TRAK1: variants seen among roughly 807,000 people sequenced by gnomAD.
The protein encoded by TRAK1 is trafficking kinesin-binding protein 1.
TRAK1 carries 33 observed loss-of-function variants against 92.1 expected under a neutral mutation model. The ratio of observed to expected loss-of-function variants is 0.36; its 90% confidence interval spans 0.27 to 0.48. The LOEUF is 0.48. Ranked by LOEUF, TRAK1 falls within the 20% of genes least tolerant of loss-of-function variation. TRAK1 has a pLI of 0.99. For missense variants in TRAK1, 1,123 were observed against 1,257.9 expected (o/e 0.89, Z 1.62); for synonymous variants, 521 against 517.3 (o/e 1.01, Z -0.10).
chr3:42,218,504 A>T, intron 14 of TRAK1: 1 of 984,362 alleles, frequency 1.0e-6, no homozygotes. Flanking sequence ...TATTTCGGGC[A>T]GCATCTTTTT....
intron 2 of TRAK1, among the ~76,000 whole-genome samples, chr3:42,131,992 C>T (rs1181157795): frequency 6.6e-6 from 1 of 151,278 alleles, no homozygotes; most frequent in African/African-American, 2.4e-5. Flanking sequence ...TTGCTTGAGC[C>T]TAGGAGGTGG....
At chr3:42,041,512 C>T (rs955276687) in intron 1 of TRAK1, among the ~76,000 whole-genome samples, 2 of 151,640 alleles carry the variant, frequency 1.3e-5, no homozygotes, top group Non-Finnish European at 2.9e-5. Flanking sequence ...AGTTTTTTAG[C>T]GGGTTCCTTA....
At chr3:42,204,840 C>T (rs935248144) in intron 13 of TRAK1, among the ~76,000 whole-genome samples, 2 of 152,186 alleles carry the variant, frequency 1.3e-5, no homozygotes, top group Non-Finnish European at 2.9e-5. Context: ...CCTCAGCCTC[C>T]CAAAGTGTTA....
At chr3:42,020,659 TTGG>T (rs1701690296) in intron 1 of TRAK1, among the ~76,000 whole-genome samples, 3 of 152,214 alleles carry the variant, frequency 2.0e-5, no homozygotes, top group Non-Finnish European at 4.4e-5. Context: ...GAGTGGATCA[TTGG>T]GTCATAAGAC....
At chr3:42,078,019 A>T (rs1368236509) in intron 1 of TRAK1, among the ~76,000 whole-genome samples, 1 of 152,234 alleles carries the variant, frequency 6.6e-6, no homozygotes, top group East Asian at 1.9e-4. Flanking sequence ...CACGTTTTGT[A>T]GACGAAAGAA....
At chr3:42,108,741 A>G (rs185404432) in intron 1 of TRAK1, among the ~76,000 whole-genome samples, 8 of 152,222 alleles carry the variant, frequency 5.3e-5, no homozygotes, top group Non-Finnish European at 8.8e-5. Flanking sequence ...CTACAATGCA[A>G]AAGACAGCAA....
chr3:42,123,503 A>T (rs904999472), intron 1 of TRAK1, among the ~76,000 whole-genome samples: 1 of 152,228 alleles, frequency 6.6e-6, no homozygotes, highest in African/African-American at 2.4e-5. Flanking sequence ...GCACCCCAGG[A>T]TCTACTCCCA....
intron 2 of TRAK1, among the ~76,000 whole-genome samples, chr3:42,141,468 C>T (rs569011001): frequency 1.2e-3 from 183 of 152,224 alleles, no homozygotes; most frequent in African/African-American, 4.2e-3. Context: ...AAAGAAAATA[C>T]GATCTCAGCA....
chr3:42,192,436 C>T (rs1209045136), intron 7 of TRAK1, among the ~76,000 whole-genome samples: 1 of 152,138 alleles, frequency 6.6e-6, no homozygotes, highest in Admixed American at 6.5e-5. Flanking sequence ...TTTTGCATTT[C>T]GTCAAAGTAC....
chr3:42,018,813 G>C (rs1490246277), intron 1 of TRAK1, among the ~76,000 whole-genome samples: 1 of 152,184 alleles, frequency 6.6e-6, no homozygotes, highest in African/African-American at 2.4e-5. Context: ...GATGCAGGTT[G>C]ATTTATGTCA....
At chr3:42,099,717 C>T (rs903569566) in intron 1 of TRAK1, among the ~76,000 whole-genome samples, 1 of 152,174 alleles carries the variant, frequency 6.6e-6, no homozygotes, top group African/African-American at 2.4e-5. Flanking sequence ...TAATTATGCT[C>T]TTTTGTTCAG....
chr3:42,085,449 G>A (rs1389502488), upstream of TRAK1, among the ~76,000 whole-genome samples: 1 of 152,204 alleles, frequency 6.6e-6, no homozygotes, highest in Non-Finnish European at 1.5e-5. Flanking sequence ...GATTACAGAT[G>A]TGAGCCACTG....
chr3:42,058,758 T>C (rs915460300), intron 1 of TRAK1, among the ~76,000 whole-genome samples: 1 of 152,192 alleles, frequency 6.6e-6, no homozygotes, highest in Non-Finnish European at 1.5e-5. Context: ...ATTGTTGCGC[T>C]GAGCTCCCAC....
chr3:42,160,387 A>T, intron 2 of TRAK1: 8 of 1,614,116 alleles, frequency 5.0e-6, no homozygotes, highest in Non-Finnish European at 6.8e-6. Flanking sequence ...AAGGGCGGGG[A>T]AGAAGAATGT....
At chr3:42,155,656 G>C (rs1320547739) in intron 2 of TRAK1, among the ~76,000 whole-genome samples, 1 of 152,184 alleles carries the variant, frequency 6.6e-6, no homozygotes, top group East Asian at 1.9e-4. Context: ...GCACCCTTTA[G>C]ATCAGTGCTA....
chr3:42,093,644 T>G (rs1308827743), intron 1 of TRAK1, among the ~76,000 whole-genome samples: 9 of 124,074 alleles, frequency 7.3e-5, no homozygotes, highest in Non-Finnish European at 1.2e-4. Context: ...TCTTCTCTTT[T>G]TTCTCCCCTT....
intron 1 of TRAK1, among the ~76,000 whole-genome samples, chr3:42,031,453 C>T (rs895312268): frequency 4.0e-5 from 6 of 151,564 alleles, no homozygotes; most frequent in East Asian, 2.0e-4. Context: ...AGCAACATAG[C>T]GAGACCCCCA....
chr3:42,117,690 G>A (rs1456053914), intron 1 of TRAK1, among the ~76,000 whole-genome samples: 5 of 152,130 alleles, frequency 3.3e-5, no homozygotes, highest in African/African-American at 4.8e-5. Flanking sequence ...CAGAAACCCT[G>A]TTGGAATGAT....
chr3:42,126,985 A>G (rs1288512247), intron 2 of TRAK1, among the ~76,000 whole-genome samples: 1 of 152,220 alleles, frequency 6.6e-6, no homozygotes, highest in African/African-American at 2.4e-5. Context: ...GATATGAAGC[A>G]TGTTAGAATT....
Sources: gnomAD v4.1 joint callset for allele counts (sites outside exome capture counted in the v4.1 genomes callset) on GRCh38, gnomAD v4.1.1 for gene constraint, MANE v1.5 for transcripts, NCBI Gene and HGNC (gene_info 2026-07-23, HGNC 2026-07-21) for gene names.